TMIGD3: variants seen among roughly 807,000 people sequenced by gnomAD.
TMIGD3 encodes transmembrane and immunoglobulin domain containing 3.
In TMIGD3, 21 loss-of-function variants were observed where a neutral mutation model predicts 28.1. That is an observed-to-expected ratio of 0.75 (90% CI 0.53 to 1.08). The LOEUF (loss-of-function observed/expected upper bound fraction) is 1.08. TMIGD3 is among the 50% of genes least tolerant of loss of function. TMIGD3 has a pLI of 0.00. For missense variants in TMIGD3, 416 were observed against 435.6 expected (o/e 0.96, Z 0.40); for synonymous variants, 151 against 162.1 (o/e 0.93, Z 0.52).
At chr1:111,498,326 A>G (rs1654986660) in intron 1 of TMIGD3, among the ~76,000 whole-genome samples, 1 of 152,234 alleles carries the variant, frequency 6.6e-6, no homozygotes, top group African/African-American at 2.4e-5. Flanking sequence ...TCACAGCAGC[A>G]AATTTGGATA....
intron 1 of TMIGD3, among the ~76,000 whole-genome samples, chr1:111,556,846 T>C (rs1284841201): frequency 6.6e-6 from 1 of 152,116 alleles, no homozygotes; most frequent in Non-Finnish European, 1.5e-5. Flanking sequence ...AATGTGAATG[T>C]CCTTAATGTC....
At chr1:111,514,519 C>T (rs11102293) in intron 1 of TMIGD3, among the ~76,000 whole-genome samples, 31,240 of 151,686 alleles carry the variant, frequency 0.21, 3,682 homozygotes, top group East Asian at 0.43. Flanking sequence ...ACACCATCAC[C>T]GCACTCCACC....
chr1:111,490,951 CA>C, intron 1 of TMIGD3, among the ~76,000 whole-genome samples, 189 bp from the exon 2 acceptor site: 1 of 152,318 alleles, frequency 6.6e-6, no homozygotes, highest in East Asian at 1.9e-4. Context: ...AAATTCTGGG[CA>C]GTAGAGATCT....
At chr1:111,547,989 GC>G (rs1026602208) in intron 1 of TMIGD3, among the ~76,000 whole-genome samples, 2 of 152,152 alleles carry the variant, frequency 1.3e-5, no homozygotes, top group African/African-American at 4.8e-5. Flanking sequence ...GTTCACTTTT[GC>G]TTTGACTGGA....
chr1:111,551,781 A>C (rs1350886734), intron 1 of TMIGD3, among the ~76,000 whole-genome samples: 7 of 147,838 alleles, frequency 4.7e-5, no homozygotes, highest in Admixed American at 2.7e-4. Context: ...TTTGAGATGG[A>C]GTCTTTACAG....
chr1:111,486,743 T>G, intron 3 of TMIGD3, 91 bp from the exon 4 acceptor site: 1 of 1,081,364 alleles, frequency 9.2e-7, no homozygotes, highest in Non-Finnish European at 1.4e-6. Flanking sequence ...TCATTCTATG[T>G]CCAGAGAGTG....
intron 1 of TMIGD3, 79 bp downstream of exon 1, chr1:111,502,926 T>C: frequency 6.5e-7 from 1 of 1,530,518 alleles, no homozygotes; most frequent in South Asian, 1.2e-5. Context: ...ACATTTTTAC[T>C]CAAAAAGTCT....
At chr1:111,518,917 T>C (rs932926154) in intron 1 of TMIGD3, among the ~76,000 whole-genome samples, 1 of 151,960 alleles carries the variant, frequency 6.6e-6, no homozygotes, top group East Asian at 1.9e-4. Flanking sequence ...AATATTTTCA[T>C]TTTTTGTTTG....
At chr1:111,543,038 A>C (rs1332073043) in intron 1 of TMIGD3, among the ~76,000 whole-genome samples, 4 of 152,166 alleles carry the variant, frequency 2.6e-5, no homozygotes, top group Non-Finnish European at 4.4e-5. Context: ...CTAAAATCAA[A>C]AGTCTATTTG....
Position 111,490,640 on chromosome 1 carries a change from C to T in TMIGD3, c.457+16G>A. 1.3e-6 allele frequency: 2 copies of T among 1,591,284 alleles called. No individual in the cohort carries two copies. The highest frequency in any genetic ancestry group is 8.6e-7 in the Non-Finnish European group (1 of 1,159,558). ...CACAGCTTAAAGGGCTGGAGCTGTT[C>T]CGTCCCCCATCCTACCTGAAATGAG... On this transcript the variant is annotated intron_variant, in intron 2 of 5. Transcript: ENST00000369716.
In TMIGD3 at chr1:111,485,837, C is replaced by T. The variant is rs778245441; in HGVS notation, c.876G>A (p.Thr292=). ...TCAGTATGCAAATGATGAGAATGGACGTCCTAGAAGGAACCACAGCAGATT... is the reference window on the plus strand; with the variant it reads ...TCAGTATGCAAATGATGAGAATGGATGTCCTAGAAGGAACCACAGCAGATT... ...KVVRKADRSR[T]SILIICILIT... is the part of the protein sequence containing the mutation. The change falls in exon 5 of 6, where the codon ACG becomes ACA. Residue 292 remains threonine, a synonymous_variant. Coordinates refer to ENST00000369716, the MANE Select transcript of TMIGD3 (RefSeq NM_020683.7). 143 of 1,609,228 alleles carry T rather than the reference C, an allele frequency of 8.9e-5. No homozygotes were observed. Among genetic ancestry groups the T allele is most frequent in the Non-Finnish European group, 1.1e-4 (130 of 1,177,562 alleles).
At chr1:111,527,042 G>C (rs1025284679) in intron 1 of TMIGD3, among the ~76,000 whole-genome samples, 2 of 89,622 alleles carry the variant, frequency 2.2e-5, no homozygotes, top group Admixed American at 1.9e-4. Context: ...ACTGAGTCTT[G>C]CTCTGTTGCC....
At chr1:111,519,058 C>A (rs1209832763) in intron 1 of TMIGD3, among the ~76,000 whole-genome samples, 2 of 152,178 alleles carry the variant, frequency 1.3e-5, no homozygotes, top group African/African-American at 2.4e-5. Context: ...CCTGCCTCAT[C>A]CTCCCAAGTA....
chr1:111,492,555 C>T lies in TMIGD3; in HGVS notation c.351-1793G>A, dbSNP rs57549312. Among the ~76,000 whole-genome samples the T allele has an allele frequency of 1.5e-3, 224 of 152,054 alleles. 1 individual carries two copies. In the East Asian group the frequency reaches 0.037, roughly 25 times the overall value. ...CTCTAGCCAGGCACGGTGGCTCACGCCTGTAATCCCAGCACTTTGGGAGGC... is the reference window on the plus strand; with the variant it reads ...CTCTAGCCAGGCACGGTGGCTCACGTCTGTAATCCCAGCACTTTGGGAGGC... On this transcript the variant is annotated intron_variant, in intron 1 of 5. Coordinates refer to ENST00000369716, the MANE Select transcript of TMIGD3 (RefSeq NM_020683.7).
In TMIGD3 at chr1:111,515,211, A is replaced by G. The variant is rs377631371; in HGVS notation, c.108-24449T>C. Among the ~76,000 whole-genome samples the G allele has an allele frequency of 8.4e-4, 128 of 152,286 alleles. No individual in the cohort carries two copies. The South Asian group carries it at 0.017, about 20-fold the overall frequency. ...CTCTAGAGTGAGACCTAGTTTCTTG[A>G]CCCAGACTAACCTGGAAATGATTTT... On this transcript the variant is annotated intron_variant, in intron 1 of 5. Coordinates refer to the TMIGD3 transcript ENST00000369717.
chr1:111,562,153 C>T (rs963412617), intron 1 of TMIGD3, among the ~76,000 whole-genome samples: 6 of 152,082 alleles, frequency 3.9e-5, no homozygotes, highest in Admixed American at 1.3e-4. Context: ...TTGTGGGCAA[C>T]GTGGACAAAT....
At chr1:111,508,854 T>C (rs1203074586) in intron 1 of TMIGD3, among the ~76,000 whole-genome samples, 3 of 152,160 alleles carry the variant, frequency 2.0e-5, no homozygotes, top group Admixed American at 6.5e-5. Context: ...CTCAGCACTT[T>C]GGGAGGCCGA....
At chr1:111,541,048 T>C (rs1479550443) in intron 1 of TMIGD3, among the ~76,000 whole-genome samples, 1 of 152,188 alleles carries the variant, frequency 6.6e-6, no homozygotes, top group Non-Finnish European at 1.5e-5. Context: ...CCACCTAGAC[T>C]CTGCATAGTC....
chr1:111,559,871 A>G (rs982595837), intron 1 of TMIGD3, among the ~76,000 whole-genome samples: 4 of 152,182 alleles, frequency 2.6e-5, no homozygotes, highest in African/African-American at 9.7e-5. Context: ...GATGCAGCAT[A>G]AATTACTAAG....
Sources: allele counts gnomAD v4.1 joint callset (sites outside exome capture counted in the v4.1 genomes callset), GRCh38; gene constraint gnomAD v4.1.1; transcripts MANE v1.5; gene names NCBI Gene and HGNC (gene_info 2026-07-23, HGNC 2026-07-21).